DNAAF2: variants seen among roughly 807,000 people sequenced by gnomAD.
DNAAF2 encodes the protein protein kintoun.
In DNAAF2, 58 loss-of-function variants were observed where a neutral mutation model predicts 48.8. The ratio of observed to expected loss-of-function variants is 1.19; its 90% confidence interval spans 0.96 to 1.48. The LOEUF is 1.48. Ranked by LOEUF, DNAAF2 falls within the 40% of genes most tolerant of loss-of-function variation. The pLI, the probability that DNAAF2 is intolerant of heterozygous loss-of-function variation, is 0.00. For synonymous variants in DNAAF2, 567 were observed against 481.2 expected (o/e 1.18, Z -2.33); for missense variants, 1,241 against 1,116.1 (o/e 1.11, Z -1.59).
Position 49,633,670 on chromosome 14 carries a change from T to C in DNAAF2, c.1480A>G (p.Thr494Ala). The C allele has an allele frequency of 1.2e-6, 2 of 1,610,966 alleles. No individual in the cohort carries two copies. The highest frequency in any genetic ancestry group is 1.7e-6 in the Non-Finnish European group (2 of 1,178,094). ...ESARGDSSVE[T>A]REESEGTGGQ... is the part of the protein sequence containing the mutation. ...CCCGTGCCCTCCGACTCCTCGCGTG[T>C]TTCCACACTGCTATCTCCGCGCGCA... The change falls in exon 1 of 3, where the codon ACA (threonine) becomes GCA (alanine). Residue 494 changes from threonine (T) to alanine (A), a missense_variant. Physicochemically the swap from Thr to Ala is moderately conservative, Grantham distance 58. Transcript: ENST00000298292.
Position 49,634,067 on chromosome 14 carries a change from G to T in DNAAF2, c.1083C>A (p.Val361=). 1 of 1,528,624 alleles carries T rather than the reference G, an allele frequency of 6.5e-7. No homozygotes were observed. The highest frequency in any genetic ancestry group is 1.2e-5 in the South Asian group (1 of 82,128). 94.7% of individuals were successfully genotyped at this position (1,528,624 alleles called of 1,614,324 possible). The change falls in exon 1 of 3, where the codon GTC becomes GTA. Residue 361 remains valine (V), a synonymous_variant. Coordinates refer to ENST00000298292, the MANE Select transcript of DNAAF2 (RefSeq NM_018139.3). ...PAARREPAVA[V]AAAAPEESAD... ...CGGACTCTTCCGGCGCGGCGGCGGC[G>T]ACGGCGACAGCGGGCTCCCGGCGCG...
Position 49,630,669 on chromosome 14 carries a change from C to CCACACACACACACA in DNAAF2, c.1864-2528_1864-2515dup, listed in dbSNP as rs71441237. On this transcript the variant is annotated intron_variant, in intron 1 of 2. Transcript: ENST00000298292. Reference sequence around the variant, plus strand: ...ATTTTGGCCCAAATAAACTCTCTCTCCACACACACACACACACACACACAC... The same window carrying CCACACACACACACA: ...ATTTTGGCCCAAATAAACTCTCTCTCCACACACACACACACACACACACACACACACACACACAC... Among the ~76,000 whole-genome samples the CCACACACACACACA allele has an allele frequency of 7.0e-3, 922 of 132,526 alleles. 9 individuals are homozygous for CCACACACACACACA. Among genetic ancestry groups the CCACACACACACACA allele is most frequent in the Middle Eastern group, 0.011 (3 of 270 alleles). 86.9% of individuals were successfully genotyped at this position (132,526 alleles called of 152,430 possible). A position where few individuals can be genotyped will look rare whatever the true frequency, so the allele number is the denominator to read the frequency against.
Position 49,633,618 on chromosome 14 carries a change from C to A in DNAAF2, c.1532G>T (p.Gly511Val), listed in dbSNP as rs768840713. The change falls in exon 1 of 3, where the codon GGT (glycine) becomes GTT (valine). Residue 511 changes from glycine (G) to valine (V), a missense_variant. Coordinates refer to ENST00000298292, the MANE Select transcript of DNAAF2 (RefSeq NM_018139.3). The part of the protein sequence containing the change: ...TGGQRSACAM[G>V]GPGTKSGEPL... ...CTCCCCGCTCTTGGTCCCGGGACCACCCATGGCGCAGGCTGAGCGCTGGCC... is the reference window on the plus strand; with the variant it reads ...CTCCCCGCTCTTGGTCCCGGGACCAACCATGGCGCAGGCTGAGCGCTGGCC... 1 of 1,613,718 alleles carries A rather than the reference C, an allele frequency of 6.2e-7. No individual in the cohort carries two copies. The highest frequency in any genetic ancestry group is 1.7e-5 in the Admixed American group (1 of 60,030).
Position 49,625,527 on chromosome 14 carries a change from C to T in DNAAF2, c.*15G>A, listed in dbSNP as rs1882978279. On this transcript the variant is annotated 3_prime_UTR_variant, in exon 3 of 3. Coordinates refer to ENST00000298292, the MANE Select transcript of DNAAF2 (RefSeq NM_018139.3). ...TTTTTAACCTTAATATTTAAAAGTCCAAAATTATATAGAATTAATCCAAAT... is the reference window on the plus strand; with the variant it reads ...TTTTTAACCTTAATATTTAAAAGTCTAAAATTATATAGAATTAATCCAAAT... The T allele has an allele frequency of 2.0e-6, 3 of 1,473,892 alleles. No homozygotes were observed. The highest frequency in any genetic ancestry group is 4.8e-5 in the East Asian group (2 of 41,694). The allele number at this position is 1,473,892 out of a possible 1,614,324, so 91.3% of individuals were successfully genotyped here. A position where few individuals can be genotyped will look rare whatever the true frequency, so the allele number is the denominator to read the frequency against.
intron 1 of DNAAF2, among the ~76,000 whole-genome samples, chr14:49,628,985 CAG>C (rs1342490338): frequency 6.6e-6 from 1 of 152,082 alleles, no homozygotes; most frequent in Non-Finnish European, 1.5e-5. Flanking sequence ...GTTTTTGAGA[CAG>C]AGTCTTGCTC....
chr14:49,634,683 C>T lies in DNAAF2; in HGVS notation c.467G>A (p.Arg156Gln). 2 of 1,606,420 alleles carry T rather than the reference C, an allele frequency of 1.2e-6. No homozygotes were observed. The highest frequency in any genetic ancestry group is 1.7e-6 in the Non-Finnish European group (2 of 1,179,706). ...CAGCATCTGGCGGAAGCCCTCGTGCCGCCGGGCCAGCGCAAGCGCGTCTGG... is the reference window on the plus strand; with the variant it reads ...CAGCATCTGGCGGAAGCCCTCGTGCTGCCGGGCCAGCGCAAGCGCGTCTGG... Reference protein sequence around the residue: ...FHPDALALARRHEGFRQMLDA... With the variant: ...FHPDALALARQHEGFRQMLDA... Residue 156 changes from arginine (R) to glutamine (Q), a missense_variant, in exon 1 of 3, where the codon CGG (arginine) becomes CAG (glutamine). Physicochemically the swap from Arg to Gln is conservative, Grantham distance 43. Transcript: ENST00000298292.
At chr14:49,632,533 C>G (rs899140911) in intron 1 of DNAAF2, among the ~76,000 whole-genome samples, 1 of 151,806 alleles carries the variant, frequency 6.6e-6, no homozygotes, top group Admixed American at 6.6e-5. Context: ...GCAACCTCCA[C>G]CTCCTGCGTT....
Position 49,625,442 on chromosome 14 carries a change from T to A in DNAAF2, c.*100A>T. The A allele has an allele frequency of 1.1e-6, 1 of 931,588 alleles. No individual in the cohort carries two copies. Among genetic ancestry groups the A allele is most frequent in the Non-Finnish European group, 1.4e-6 (1 of 704,228 alleles). 57.7% of individuals were successfully genotyped at this position (931,588 alleles called of 1,614,324 possible). ...AAAAAAATTGCAAATTTTAATTTTATACTTTAATACCTTTAGTTTTAAGAC... is the reference window on the plus strand; with the variant it reads ...AAAAAAATTGCAAATTTTAATTTTAAACTTTAATACCTTTAGTTTTAAGAC... On this transcript the variant is annotated 3_prime_UTR_variant, in exon 3 of 3. Coordinates refer to ENST00000298292, the MANE Select transcript of DNAAF2 (RefSeq NM_018139.3).
chr14:49,628,634 T>G (rs531488174), intron 1 of DNAAF2, among the ~76,000 whole-genome samples: 1 of 152,238 alleles, frequency 6.6e-6, no homozygotes, highest in African/African-American at 2.4e-5. Context: ...TTTGTATTTT[T>G]GGTAGAGATG....
At chr14:49,627,492 G>A (rs1446611357) in intron 2 of DNAAF2, among the ~76,000 whole-genome samples, 3 of 152,200 alleles carry the variant, frequency 2.0e-5, no homozygotes, top group Admixed American at 1.3e-4. Context: ...CTCATTGTAG[G>A]GTTATTTTGG....
Position 49,634,581 on chromosome 14 carries a change from G to T in DNAAF2, c.569C>A (p.Ala190Asp), listed in dbSNP as rs1382599388. ...AGCCTCTGGGGTCCCCTTATACTTG[G>T]CCTTCAGGGTCTTGGCATTCCTGCG... ...LDRRNAKTLK[A>D]KYKGTPEAAV... The change falls in exon 1 of 3, where the codon GCC becomes GAC. Residue 190 changes from alanine (A) to aspartate (D), a missense_variant. Ala to Asp is a moderately radical substitution (Grantham distance 126, BLOSUM62 -2). Transcript: ENST00000298292. 2.5e-6 allele frequency: 4 copies of T among 1,605,744 alleles called. No individual in the cohort carries two copies. The highest frequency in any genetic ancestry group is 1.7e-5 in the Admixed American group (1 of 60,020).
chr14:49,625,982 G>T lies in DNAAF2; in HGVS notation c.2074C>A (p.Leu692Ile), dbSNP rs1882995422. ...TGTTCTATATATTCCTTTTCAGTTA[G>T]ATGACTTTCTTCATTTACTCTTTCC... ...KEERVNEESH[L>I]TEKEYIEHCN... Residue 692 changes from leucine to isoleucine, a missense_variant, in exon 3 of 3, where the codon CTA becomes ATA. Leu to Ile is a conservative substitution (Grantham distance 5). Transcript: ENST00000298292. The T allele has an allele frequency of 1.3e-6, 2 of 1,597,554 alleles. No individual in the cohort carries two copies. The highest frequency in any genetic ancestry group is 3.5e-5 in the Admixed American group (2 of 56,748).
At chr14:49,630,228 G>A (rs534907852) in intron 1 of DNAAF2, among the ~76,000 whole-genome samples, 1 of 101,930 alleles carries the variant, frequency 9.8e-6, no homozygotes, top group South Asian at 3.1e-4. Flanking sequence ...GCGAGACTCT[G>A]TCTCCCAAAT....
rs1427747640 is a variant in DNAAF2 at position 49,634,000 on chromosome 14, G to T, written c.1150C>A (p.Arg384Ser). The T allele has an allele frequency of 2.0e-6, 3 of 1,523,326 alleles. No individual in the cohort carries two copies. The highest frequency in any genetic ancestry group is 2.6e-6 in the Non-Finnish European group (3 of 1,141,784). 94.4% of individuals were successfully genotyped at this position (1,523,326 alleles called of 1,614,324 possible). A position where few individuals can be genotyped will look rare whatever the true frequency, so the allele number is the denominator to read the frequency against. The change falls in exon 1 of 3, where the codon CGC becomes AGC. Residue 384 changes from arginine (R) to serine (S), a missense_variant. Transcript: ENST00000298292. ...GTDGQACASA[R>S]EGEAGPARSR... ...CTCGCGGGTCCCGCCTCCCCCTCGC[G>T]AGCGGAAGCGCAGGCCTGGCCGTCA... is the stretch of plus-strand genomic sequence containing the variant.
Position 49,633,757 on chromosome 14 carries a change from C to T in DNAAF2, c.1393G>A (p.Gly465Arg), listed in dbSNP as rs756198622. The change falls in exon 1 of 3, where the codon GGA becomes AGA. Residue 465 changes from glycine to arginine, a missense_variant. Coordinates refer to ENST00000298292, the MANE Select transcript of DNAAF2 (RefSeq NM_018139.3). ...SPGGENSPGG[G>R]GSPCLSSRSL... is the part of the protein sequence containing the mutation. The stretch of plus-strand genomic sequence containing the variant: ...CGGGAGGACAAACAAGGGGAGCCTC[C>T]GCCACCAGGTGAGTTTTCTCCTCCA... 12 of 1,590,760 alleles carry T rather than the reference C, an allele frequency of 7.5e-6. No homozygotes were observed. Among genetic ancestry groups the T allele is most frequent in the Non-Finnish European group, 1.0e-5 (12 of 1,171,692 alleles).
chr14:49,634,541 C>T lies in DNAAF2; in HGVS notation c.609G>A (p.Thr203=). 1 of 1,602,592 alleles carries T rather than the reference C, an allele frequency of 6.2e-7. No homozygotes were observed. ...KGTPEAAVLR[T]PLPGVIPARP... ...TTGCGGGGATGACCCCGGGCAGGGG[C>T]GTGCGCAGCACCGCAGCCTCTGGGG... The change falls in exon 1 of 3, where the codon ACG becomes ACA. Residue 203 remains threonine, a synonymous_variant. Transcript: ENST00000298292.
Position 49,633,630 on chromosome 14 carries a change from G to A in DNAAF2, c.1520C>T (p.Ala507Val). Residue 507 changes from alanine to valine, a missense_variant, in exon 1 of 3, where the codon GCC becomes GTC. By Grantham distance (64) the Ala-to-Val change is moderately conservative. Coordinates refer to ENST00000298292, the MANE Select transcript of DNAAF2 (RefSeq NM_018139.3). Reference protein sequence around the residue: ...ESEGTGGQRSACAMGGPGTKS... With the variant: ...ESEGTGGQRSVCAMGGPGTKS... ...GGTCCCGGGACCACCCATGGCGCAGGCTGAGCGCTGGCCGCCCGTGCCCTC... is the reference window on the plus strand; with the variant it reads ...GGTCCCGGGACCACCCATGGCGCAGACTGAGCGCTGGCCGCCCGTGCCCTC... 1 of 1,613,218 alleles carries A rather than the reference G, an allele frequency of 6.2e-7. No homozygotes were observed. The highest frequency in any genetic ancestry group is 2.2e-5 in the East Asian group (1 of 44,872).
At chr14:49,628,291 T>A (rs917464242) in intron 1 of DNAAF2, 136 bp from the exon 2 acceptor site, 4 of 761,292 alleles carry the variant, frequency 5.3e-6, no homozygotes, top group Non-Finnish European at 8.3e-6. Flanking sequence ...GTTATTCCTA[T>A]GAGCTGTCTT....
chr14:49,632,820 TAA>T lies in DNAAF2; in HGVS notation c.1863+465_1863+466del, dbSNP rs1883197388. On this transcript the variant is annotated intron_variant, in intron 1 of 2. Transcript: ENST00000298292. ...CTCAACACTTAACTCTTGTTTATGT[TAA>T]AAGAGCTAAAAAAATTACATGTAAC... is the stretch of plus-strand genomic sequence containing the variant. Among the ~76,000 whole-genome samples the T allele has an allele frequency of 2.0e-5, 3 of 152,176 alleles. No individual in the cohort carries two copies. In the South Asian group the frequency reaches 6.2e-4, roughly 32 times the overall value.
Sources: gnomAD v4.1 joint callset for allele counts (sites outside exome capture counted in the v4.1 genomes callset) on GRCh38, gnomAD v4.1.1 for gene constraint, MANE v1.5 for transcripts, NCBI Gene and HGNC (gene_info 2026-07-23, HGNC 2026-07-21) for gene names.